Variants in DDHD2 observed in about 807,000 individuals in gnomAD.
The protein encoded by DDHD2 is DDHD domain containing 2.
Under a neutral mutation model 91.2 loss-of-function variants are expected in DDHD2, and 62 were observed. The observed-to-expected ratio is 0.68, with a 90% CI of 0.55 to 0.84. The LOEUF is 0.84. Among genes scored for constraint, DDHD2 ranks in the 40% least tolerant of loss-of-function variants. The probability of loss-of-function intolerance (pLI) is 0.00; values close to 1 mark genes in which losing one functional copy is unlikely to be tolerated. For synonymous variants in DDHD2, 271 were observed against 293.9 expected (o/e 0.92, Z 0.80); for missense variants, 740 against 846.9 (o/e 0.87, Z 1.57).
downstream of DDHD2, chr8:38,267,627 GAC>G: frequency 3.2e-6 from 2 of 620,528 alleles, no homozygotes; most frequent in Non-Finnish European, 5.5e-6. Flanking sequence ...AACAGCAAAT[GAC>G]ACTGCAGCTT....
chr8:38,255,266 TATC>T (rs1806427004), intron 16 of DDHD2: 3 of 396,074 alleles, frequency 7.6e-6, no homozygotes, highest in Non-Finnish European at 1.5e-5. Flanking sequence ...GATGAGGAAT[TATC>T]ATCTGATGCA....
At chr8:38,237,446 T>A (rs1804888044) in intron 3 of DDHD2, 92 bp from the exon 4 acceptor site, 1 of 618,886 alleles carries the variant, frequency 1.6e-6, no homozygotes, top group African/African-American at 1.9e-5. Context: ...ATATTCTTAT[T>A]GAAACTCATT....
chr8:38,268,714 C>G, intron 1 of DDHD2: 2 of 1,433,484 alleles, frequency 1.4e-6, no homozygotes, highest in Non-Finnish European at 1.8e-6. Flanking sequence ...ACACCCTCCT[C>G]TCTCAATCAG....
At chr8:38,245,571 G>A (rs1259071232) in intron 7 of DDHD2, among the ~76,000 whole-genome samples, 171 bp from the exon 8 acceptor site, 1 of 151,818 alleles carries the variant, frequency 6.6e-6, no homozygotes, top group Non-Finnish European at 1.5e-5. Context: ...TCTGAATTTT[G>A]CTTATCACAT....
At chr8:38,238,826 A>T (rs1805012649) in intron 5 of DDHD2, 3 of 461,620 alleles carry the variant, frequency 6.5e-6, no homozygotes, top group African/African-American at 2.1e-5. Flanking sequence ...GTTATGTAAG[A>T]TAATATACTT....
At chr8:38,233,580 CCAG>C (rs1804462418) in intron 2 of DDHD2, among the ~76,000 whole-genome samples, 1 of 151,702 alleles carries the variant, frequency 6.6e-6, no homozygotes, top group Admixed American at 6.6e-5. Context: ...CACCCTGTGC[CCAG>C]CCCCCCAGTA....
chr8:38,239,373 CAAA>C (rs529440876), intron 5 of DDHD2, among the ~76,000 whole-genome samples: 5 of 51,556 alleles, frequency 9.7e-5, no homozygotes, highest in Admixed American at 4.4e-4. Context: ...GACTCTGTCT[CAAA>C]AAAAAAAAAA....
chr8:38,243,808 CTTTT>C (rs747825792), intron 7 of DDHD2, among the ~76,000 whole-genome samples: 4 of 135,330 alleles, frequency 3.0e-5, no homozygotes, highest in African/African-American at 2.7e-5. Context: ...TTTTTTTTAT[CTTTT>C]TTTTTTTTTT....
In DDHD2 at chr8:38,261,594, G is replaced by T. The variant is rs1369060013; in HGVS notation, c.*1021G>T. 6.6e-6 allele frequency: 1 copy of T among 152,204 alleles called. No homozygotes were observed. Among genetic ancestry groups the T allele is most frequent in the African/African-American group, 2.4e-5 (1 of 41,440 alleles). 9.4% of individuals were successfully genotyped at this position (152,204 alleles called of 1,614,324 possible). On this transcript the variant is annotated 3_prime_UTR_variant, in exon 18 of 18. Coordinates refer to ENST00000397166, the MANE Select transcript of DDHD2 (RefSeq NM_015214.3). The stretch of plus-strand genomic sequence containing the variant: ...GCTCTTGGCACGGGCAGCATTGGTT[G>T]AGCAGGTAGGTTTGGCTAGGGGGAA...
rs1409954747 is a variant in DDHD2 at position 38,238,406 on chromosome 8, T to C, written c.622+197T>C. On this transcript the variant is annotated intron_variant, in intron 5 of 17. Coordinates refer to ENST00000397166, the MANE Select transcript of DDHD2 (RefSeq NM_015214.3). The stretch of plus-strand genomic sequence containing the variant: ...ATGTAAAAATATCTTTTAAAACATA[T>C]GGTAGGATGGGTAAAATTTGGCAAT... The C allele has an allele frequency of 3.8e-6, 5 of 1,327,338 alleles. No homozygotes were observed. The East Asian group carries it at 1.0e-4, about 27-fold the overall frequency. The allele number at this position is 1,327,338 out of a possible 1,614,324, so 82.2% of individuals were successfully genotyped here.
intron 11 of DDHD2, 150 bp from the exon 12 acceptor site, chr8:38,251,762 T>A (rs536675751): frequency 1.5e-4 from 90 of 583,726 alleles, no homozygotes; most frequent in East Asian, 4.5e-4. Flanking sequence ...ACTTTTTTTT[T>A]AAATAGAGAC....
At chr8:38,244,783 C>G (rs1200827445) in intron 7 of DDHD2, among the ~76,000 whole-genome samples, 1 of 142,974 alleles carries the variant, frequency 7.0e-6, no homozygotes. Context: ...ACAGACTGGT[C>G]TCGAACTTTG....
intron 1 of DDHD2, chr8:38,269,082 C>T: frequency 6.5e-7 from 1 of 1,528,034 alleles, no homozygotes; most frequent in Middle Eastern, 1.8e-4. Context: ...GCCCGCCTGC[C>T]TGGGAAGCGG....
chr8:38,260,224 T>C (rs1462465567), intron 17 of DDHD2, 77 bp downstream of exon 17: 1 of 763,668 alleles, frequency 1.3e-6, no homozygotes, highest in East Asian at 2.7e-5. Context: ...AGCCTCAAGC[T>C]CTTTTTAAAT....
intron 16 of DDHD2, among the ~76,000 whole-genome samples, chr8:38,257,023 G>A (rs1298524529): frequency 6.6e-6 from 1 of 151,102 alleles, no homozygotes; most frequent in Non-Finnish European, 1.5e-5. Flanking sequence ...TTGGACTCAA[G>A]CCATCCTCCC....
At chr8:38,249,367 G>T (rs1221934207) in intron 10 of DDHD2, among the ~76,000 whole-genome samples, 1 of 151,566 alleles carries the variant, frequency 6.6e-6, no homozygotes, top group Admixed American at 6.6e-5. Flanking sequence ...CTCCCAAAGT[G>T]CTGGGATTAC....
chr8:38,234,292 T>A (rs1404867664), intron 2 of DDHD2, 102 bp from the exon 3 acceptor site: 59 of 845,742 alleles, frequency 7.0e-5, no homozygotes, highest in Non-Finnish European at 9.4e-5. Context: ...GAACTTTTCA[T>A]TCATGTGTTT....
rs1585761775 is a variant in DDHD2, at chr8:38,255,821, A to G, written c.2054+2103A>G. Among the ~76,000 whole-genome samples the G allele has an allele frequency of 2.6e-5, 4 of 151,962 alleles. 1 individual carries two copies. The East Asian group carries it at 7.7e-4, about 29-fold the overall frequency. On this transcript the variant is annotated intron_variant, in intron 16 of 17. Coordinates refer to ENST00000397166, the MANE Select transcript of DDHD2 (RefSeq NM_015214.3). ...ACACCTTGTTCATGTCATTTCACCTACTCATGAGTATATCTGTAATGTAAA... is the reference window on the plus strand; with the variant it reads ...ACACCTTGTTCATGTCATTTCACCTGCTCATGAGTATATCTGTAATGTAAA...
At chr8:38,235,140 T>C (rs1214590080) in intron 3 of DDHD2, among the ~76,000 whole-genome samples, 1 of 152,240 alleles carries the variant, frequency 6.6e-6, no homozygotes, top group African/African-American at 2.4e-5. Flanking sequence ...TTATTTAGAA[T>C]ATAACTCAGA....
Sources: gnomAD v4.1 joint callset for allele counts (sites outside exome capture counted in the v4.1 genomes callset) on GRCh38, gnomAD v4.1.1 for gene constraint, MANE v1.5 for transcripts, NCBI Gene and HGNC (gene_info 2026-07-23, HGNC 2026-07-21) for gene names.